The following SGMS1 variants were observed in gnomAD, a reference collection of about 807,000 sequenced individuals.
The protein encoded by SGMS1 is sphingomyelin synthase 1.
In SGMS1, 13 loss-of-function variants were observed where a neutral mutation model predicts 46.2. The observed-to-expected ratio is 0.28, with a 90% confidence interval of 0.18 to 0.45. The LOEUF is 0.45. SGMS1 is among the 20% of genes least tolerant of loss of function. SGMS1 has a pLI of 1.00. For missense variants in SGMS1, 324 were observed against 519.9 expected (o/e 0.62, Z 3.66); for synonymous variants, 203 against 187.8 (o/e 1.08, Z -0.66).
At chr10:50,602,970 G>A (rs910446923) in intron 1 of SGMS1, among the ~76,000 whole-genome samples, 3 of 152,138 alleles carry the variant, frequency 2.0e-5, no homozygotes, top group Non-Finnish European at 2.9e-5. Flanking sequence ...GAAAATGAAC[G>A]AGTTTAGACA....
intron 3 of SGMS1, among the ~76,000 whole-genome samples, chr10:50,499,276 A>G (rs1837641501): frequency 6.6e-6 from 1 of 152,210 alleles, no homozygotes; most frequent in Admixed American, 6.5e-5. Flanking sequence ...TCATTGGTGA[A>G]ATGGAGCTAT....
intron 8 of SGMS1, among the ~76,000 whole-genome samples, chr10:50,320,204 G>A (rs900424421): frequency 6.6e-6 from 1 of 151,934 alleles, no homozygotes; most frequent in African/African-American, 2.4e-5. Flanking sequence ...CCTGGTCTAG[G>A]CCTTCCTCAT....
intron 1 of SGMS1, among the ~76,000 whole-genome samples, chr10:50,607,552 A>G (rs187783934): frequency 2.0e-5 from 3 of 152,328 alleles, no homozygotes; most frequent in East Asian, 3.9e-4. Context: ...TTATCTTGAA[A>G]GCCAATTTCA....
chr10:50,353,273 G>C (rs1848055957), intron 6 of SGMS1, among the ~76,000 whole-genome samples: 1 of 152,294 alleles, frequency 6.6e-6, no homozygotes, highest in Non-Finnish European at 1.5e-5. Flanking sequence ...GGGATGCAAG[G>C]CTGGTTCAAC....
At chr10:50,418,110 A>C (rs1351184617) in intron 6 of SGMS1, 1 of 152,168 alleles carries the variant, frequency 6.6e-6, no homozygotes, top group African/African-American at 2.4e-5. Flanking sequence ...TTCCTGGGGC[A>C]CCAAGTTTGC....
At chr10:50,376,704 T>A (rs1848527285) in intron 6 of SGMS1, among the ~76,000 whole-genome samples, 1 of 152,300 alleles carries the variant, frequency 6.6e-6, no homozygotes, top group African/African-American at 2.4e-5. Flanking sequence ...GGCCTTGCGA[T>A]AGTTTGCTGA....
At chr10:50,473,495 A>T (rs1204590382) in intron 3 of SGMS1, among the ~76,000 whole-genome samples, 2 of 152,236 alleles carry the variant, frequency 1.3e-5, no homozygotes, top group African/African-American at 4.8e-5. Flanking sequence ...CCAAGCTATC[A>T]TAATAAACTT....
At chr10:50,600,853 C>T (rs17581623) in intron 1 of SGMS1, among the ~76,000 whole-genome samples, 12,362 of 152,168 alleles carry the variant, frequency 0.081, 603 homozygotes, top group Middle Eastern at 0.14. Flanking sequence ...AGCCAAGAAC[C>T]GAGTCTAGGA....
chr10:50,612,247 T>G (rs1027444173), intron 1 of SGMS1, among the ~76,000 whole-genome samples: 14 of 152,362 alleles, frequency 9.2e-5, no homozygotes, highest in Admixed American at 5.9e-4. Flanking sequence ...ACATCCCGTC[T>G]TCATGGATTC....
At chr10:50,549,437 AG>A (rs1276427021) in intron 2 of SGMS1, among the ~76,000 whole-genome samples, 50 of 152,334 alleles carry the variant, frequency 3.3e-4, no homozygotes, top group African/African-American at 1.1e-3. Context: ...AAACTAACAC[AG>A]GAATAGAAAA....
intron 6 of SGMS1, among the ~76,000 whole-genome samples, chr10:50,421,544 T>C (rs189445191): frequency 5.2e-4 from 79 of 152,252 alleles, no homozygotes; most frequent in Non-Finnish European, 9.6e-4. Flanking sequence ...CGTTCAGACA[T>C]TTGCTTGCAA....
At chr10:50,611,442 G>A (rs1478374507) in intron 1 of SGMS1, among the ~76,000 whole-genome samples, 1 of 152,218 alleles carries the variant, frequency 6.6e-6, no homozygotes, top group African/African-American at 2.4e-5. Flanking sequence ...CTCCTCAGCT[G>A]GCTTTCAAAA....
intron 3 of SGMS1, among the ~76,000 whole-genome samples, chr10:50,509,459 ACATATATATAT>A (rs1056418717): frequency 6.6e-6 from 1 of 152,228 alleles, no homozygotes; most frequent in African/African-American, 2.4e-5. Flanking sequence ...ATATACATAC[ACATATATATAT>A]CACAGTGCAT....
intron 2 of SGMS1, among the ~76,000 whole-genome samples, chr10:50,582,373 G>A (rs981304466): frequency 1.3e-5 from 2 of 152,142 alleles, no homozygotes; most frequent in African/African-American, 2.4e-5. Flanking sequence ...CAACAACTGT[G>A]GGAAAATATT....
At chr10:50,432,630 A>G (rs1221719061) in intron 6 of SGMS1, among the ~76,000 whole-genome samples, 1 of 152,250 alleles carries the variant, frequency 6.6e-6, no homozygotes, top group East Asian at 1.9e-4. Flanking sequence ...TTGAGATAGA[A>G]TAAAGGCCTA....
chr10:50,379,451 TATA>T (rs1194091352), intron 6 of SGMS1, among the ~76,000 whole-genome samples: 1 of 152,032 alleles, frequency 6.6e-6, no homozygotes, highest in African/African-American at 2.4e-5. Flanking sequence ...TATATATATA[TATA>T]TATGTGCACG....
chr10:50,461,289 T>C (rs1324283206), intron 4 of SGMS1, among the ~76,000 whole-genome samples: 1 of 152,162 alleles, frequency 6.6e-6, no homozygotes, highest in East Asian at 1.9e-4. Flanking sequence ...GCCAAAACAT[T>C]ACCCTCATAA....
At chr10:50,481,007 C>G (rs1454416728) in intron 3 of SGMS1, among the ~76,000 whole-genome samples, 1 of 152,230 alleles carries the variant, frequency 6.6e-6, no homozygotes. Flanking sequence ...AAACAAAACT[C>G]TGATCTCCCT....
chr10:50,521,461 ATAT>A (rs1837856282), intron 2 of SGMS1, among the ~76,000 whole-genome samples: 1 of 152,198 alleles, frequency 6.6e-6, no homozygotes, highest in African/African-American at 2.4e-5. Flanking sequence ...TTTAAAAGTT[ATAT>A]AATAGTTTAA....
Sources: gnomAD v4.1 joint callset for allele counts (sites outside exome capture counted in the v4.1 genomes callset) on GRCh38, gnomAD v4.1.1 for gene constraint, MANE v1.5 for transcripts, NCBI Gene and HGNC (gene_info 2026-07-23, HGNC 2026-07-21) for gene names.